The following LARP1B variants were observed in gnomAD, a reference collection of about 807,000 sequenced individuals.
The protein encoded by LARP1B is la-related protein 1B.
In LARP1B, 76 loss-of-function variants were observed where a neutral mutation model predicts 114.2. The ratio of observed to expected loss-of-function variants is 0.67; its 90% CI spans 0.55 to 0.81. The LOEUF (loss-of-function observed/expected upper bound fraction) is 0.81, where lower values mean the gene tolerates loss of function less well. Ranked by LOEUF, LARP1B falls within the 30% of genes least tolerant of loss-of-function variation. The pLI is 0.00. For missense variants in LARP1B, 1,014 were observed against 1,075.8 expected, an observed-to-expected ratio of 0.94 and a Z score of 0.80; for synonymous variants, 345 against 348.0, an observed-to-expected ratio of 0.99 and a Z score of 0.10.
At position 128,211,427 on chromosome 4, in the gene LARP1B, G is replaced by A. The variant is rs1409936144; in HGVS notation, c.*1374G>A. ...CTTTGGATGGATGGGCTGTTAATTT[G>A]TAAATAGGTTTTCATTAAGTTATTT... is the stretch of plus-strand genomic sequence containing the variant. On this transcript the variant is annotated 3_prime_UTR_variant, in exon 20 of 20. Transcript: ENST00000326639. 1.1e-6 allele frequency: 1 copy of A among 921,560 alleles called. No individual in the cohort carries two copies. The allele number at this position is 921,560 out of a possible 1,614,324, so 57.1% of individuals were successfully genotyped here.
chr4:128,101,749 G>C (rs564837713), intron 8 of LARP1B, among the ~76,000 whole-genome samples: 4 of 152,108 alleles, frequency 2.6e-5, no homozygotes, highest in Non-Finnish European at 4.4e-5. Context: ...CAAAGTGCTG[G>C]GATTACAGGC....
At chr4:128,191,456 T>C (rs1252801160) in intron 15 of LARP1B, among the ~76,000 whole-genome samples, 1 of 152,198 alleles carries the variant, frequency 6.6e-6, no homozygotes, top group East Asian at 1.9e-4. Context: ...TACTATTGTA[T>C]ATCAGTGCCT....
At chr4:128,122,623 CTCTT>C (rs1234816920) in intron 11 of LARP1B, 1 of 1,461,842 alleles carries the variant, frequency 6.8e-7, no homozygotes, top group African/African-American at 1.4e-5. Flanking sequence ...CTCTTCTTGC[CTCTT>C]TCTGTTTTCC....
chr4:128,122,030 C>T lies in LARP1B; in HGVS notation c.1366C>T (p.Pro456Ser). Residue 456 changes from proline (P) to serine (S), a missense_variant, in exon 11 of 20, where the codon CCT (proline) becomes TCT (serine). Coordinates refer to ENST00000326639, the MANE Select transcript of LARP1B (RefSeq NM_018078.4). ...GATTTTGATTGTAACTCAGACACCA[C>T]CTTATGTGAAAAAACATCCTGGAGG... The part of the protein sequence containing the change: ...NKILIVTQTP[P>S]YVKKHPGGDR... The T allele has an allele frequency of 1.2e-6, 2 of 1,613,752 alleles. No homozygotes were observed. The highest frequency in any genetic ancestry group is 1.7e-6 in the Non-Finnish European group (2 of 1,179,892).
intron 17 of LARP1B, 67 bp from the exon 18 acceptor site, chr4:128,206,361 T>C (rs567884695): frequency 1.2e-6 from 1 of 849,912 alleles, no homozygotes; most frequent in African/African-American, 1.8e-5. Context: ...CCATGTTTGC[T>C]TATATTGATG....
intron 19 of LARP1B, among the ~76,000 whole-genome samples, chr4:128,208,219 T>G (rs1158695583): frequency 6.6e-6 from 1 of 151,346 alleles, no homozygotes; most frequent in East Asian, 1.9e-4. Flanking sequence ...TCCCTGCTAC[T>G]CAGGAGGCTG....
chr4:128,155,426 G>A (rs1431769858), intron 11 of LARP1B: 2 of 677,022 alleles, frequency 3.0e-6, no homozygotes, highest in African/African-American at 3.5e-5. Context: ...CCGAGCTCCG[G>A]GAATGGCGTG....
At chr4:128,173,898 C>T (rs561633832) in intron 12 of LARP1B, among the ~76,000 whole-genome samples, 14 of 152,304 alleles carry the variant, frequency 9.2e-5, no homozygotes, top group African/African-American at 3.1e-4. Context: ...CTAAAGAGTT[C>T]CTCATGCACA....
In LARP1B at chr4:128,074,492, A is replaced by G; in HGVS notation, c.-45A>G. ...TTCCCTCAAAATTATAAAGGCAGGA[A>G]AGCTCAAGACAAAGAAATCCAACAA... On this transcript the variant is annotated 5_prime_UTR_variant, in exon 2 of 20. Transcript: ENST00000326639. The G allele has an allele frequency of 1.1e-6, 1 of 927,918 alleles. No homozygotes were observed. Among genetic ancestry groups the G allele is most frequent in the Non-Finnish European group, 1.3e-6 (1 of 777,062 alleles). The allele number at this position is 927,918 out of a possible 1,614,324, so 57.5% of individuals were successfully genotyped here. A position where few individuals can be genotyped will look rare whatever the true frequency, so the allele number is the denominator to read the frequency against.
intron 9 of LARP1B, chr4:128,108,201 A>T: frequency 3.3e-6 from 4 of 1,199,472 alleles, no homozygotes; most frequent in South Asian, 4.0e-5. Flanking sequence ...TGGGAAAGTT[A>T]ATTATTATTA....
intron 11 of LARP1B, among the ~76,000 whole-genome samples, chr4:128,136,366 A>G (rs1046892921): frequency 6.6e-6 from 1 of 152,104 alleles, no homozygotes; most frequent in Non-Finnish European, 1.5e-5. Context: ...CAAAACTTAC[A>G]TATTAGTAGC....
At chr4:128,085,582 G>A (rs1003502282) in intron 5 of LARP1B, among the ~76,000 whole-genome samples, 29 of 152,036 alleles carry the variant, frequency 1.9e-4, no homozygotes, top group African/African-American at 7.0e-4. Flanking sequence ...TGCCCGGGCT[G>A]GTCTTGAACT....
rs1268942912 is a variant in LARP1B, at chr4:128,079,986, C to CT, written c.217+2039dup. ...TTTGTTATCCTGATCTAAAATTTGTCTTTTTTTTTTTTTTTGAGATGGAGT... is the reference window on the plus strand; with the variant it reads ...TTTGTTATCCTGATCTAAAATTTGTCTTTTTTTTTTTTTTTTGAGATGGAGT... On this transcript the variant is annotated intron_variant, in intron 4 of 19. Coordinates refer to ENST00000326639, the MANE Select transcript of LARP1B (RefSeq NM_018078.4). Among the ~76,000 whole-genome samples the CT allele has an allele frequency of 7.0e-3, 1,011 of 144,276 alleles. 8 individuals carry two copies. Among genetic ancestry groups the CT allele is most frequent in the African/African-American group, 0.021 (818 of 39,212 alleles). 94.7% of individuals were successfully genotyped at this position (144,276 alleles called of 152,430 possible).
At chr4:128,159,493 A>T (rs1305451340) in intron 11 of LARP1B, among the ~76,000 whole-genome samples, 2 of 152,172 alleles carry the variant, frequency 1.3e-5, no homozygotes, top group East Asian at 3.9e-4. Context: ...TTCTTAGAGC[A>T]ATTTTAGATT....
At chr4:128,171,751 G>T (rs962755192) in intron 12 of LARP1B, among the ~76,000 whole-genome samples, 8 of 152,090 alleles carry the variant, frequency 5.3e-5, no homozygotes, top group Admixed American at 5.2e-4. Flanking sequence ...TCATTGCCAA[G>T]GATATTTTCA....
chr4:128,184,323 A>C (rs1448920599), intron 15 of LARP1B, among the ~76,000 whole-genome samples: 1 of 152,202 alleles, frequency 6.6e-6, no homozygotes, highest in Non-Finnish European at 1.5e-5. Context: ...CACCGCTCTG[A>C]TCAGTCAGCA....
In LARP1B at chr4:128,178,473, A is replaced by G; in HGVS notation, c.1727A>G (p.Glu576Gly). Residue 576 changes from glutamate (E) to glycine (G), a missense_variant, in exon 14 of 20, where the codon GAA becomes GGA. Physicochemically the swap from Glu to Gly is moderately conservative, Grantham distance 98 (BLOSUM62 -2). Coordinates refer to ENST00000326639, the MANE Select transcript of LARP1B (RefSeq NM_018078.4). ...GCTCAGAAGTTATTTGATGTTTCAG[A>G]AATAACTTCAGCAGCAATGGTTCAT... ...ELAQKLFDVSEITSAAMVHSL... is the reference protein window; with the variant it reads ...ELAQKLFDVSGITSAAMVHSL... 6.2e-7 allele frequency: 1 copy of G among 1,614,042 alleles called. No homozygotes were observed. Among genetic ancestry groups the G allele is most frequent in the Non-Finnish European group, 8.5e-7 (1 of 1,179,950 alleles).
chr4:128,102,022 A>T (rs996441603), intron 8 of LARP1B, among the ~76,000 whole-genome samples: 1 of 152,200 alleles, frequency 6.6e-6, no homozygotes, highest in Non-Finnish European at 1.5e-5. Context: ...GATTTTTAAA[A>T]GGAAGCTTTG....
intron 11 of LARP1B, among the ~76,000 whole-genome samples, chr4:128,145,985 T>C (rs1257947787): frequency 6.6e-6 from 1 of 152,230 alleles, no homozygotes; most frequent in African/African-American, 2.4e-5. Context: ...CACACATCAC[T>C]ATTGGTGTTA....
Sources: allele counts gnomAD v4.1 joint callset (sites outside exome capture counted in the v4.1 genomes callset), GRCh38; gene constraint gnomAD v4.1.1; transcripts MANE v1.5; gene names NCBI Gene and HGNC (gene_info 2026-07-23, HGNC 2026-07-21).